FGFR2: variants seen among roughly 807,000 people sequenced by gnomAD.
The protein encoded by FGFR2 is fibroblast growth factor receptor 2.
In FGFR2, 19 loss-of-function variants were observed where a neutral mutation model predicts 95.9. That is an observed-to-expected ratio of 0.20 (90% CI 0.14 to 0.29). The LOEUF is 0.29. FGFR2 is among the 10% of genes least tolerant of loss of function. FGFR2 has a pLI of 1.00. For synonymous variants in FGFR2, 392 were observed against 393.3 expected, an observed-to-expected ratio of 1.00 and a Z score of 0.04; for missense variants, 707 against 1,056.9, an observed-to-expected ratio of 0.67 and a Z score of 4.59.
Position 121,485,346 on chromosome 10 carries a change from G to T in FGFR2, c.2195+49C>A. 1.2e-6 allele frequency: 2 copies of T among 1,612,992 alleles called. No individual in the cohort carries two copies. Among genetic ancestry groups the T allele is most frequent in the Non-Finnish European group, 1.7e-6 (2 of 1,179,402 alleles). On this transcript the variant is annotated intron_variant, in intron 16 of 17. Coordinates refer to ENST00000358487, the MANE Select transcript of FGFR2 (RefSeq NM_000141.5). This position sits in a 1 kb window ranked among gnomAD's most constrained non-coding sequence, Gnocchi z 4.2. ...GAGATACATCAGGAGAGGTATTACT[G>T]GTGTGGCAAGTCCACTGGGGCACCG...
At chr10:121,576,279 G>C (rs1859744001) in intron 2 of FGFR2, among the ~76,000 whole-genome samples, 1 of 152,228 alleles carries the variant, frequency 6.6e-6, no homozygotes, top group South Asian at 2.1e-4. Flanking sequence ...CCAGGAAATA[G>C]ATACTTACGT....
chr10:121,505,011 C>T (rs1848095942), intron 9 of FGFR2, among the ~76,000 whole-genome samples: 1 of 152,234 alleles, frequency 6.6e-6, no homozygotes, highest in Admixed American at 6.5e-5. Flanking sequence ...AACTAGCCCA[C>T]CCTGGGCTCT....
chr10:121,570,736 T>C (rs781658691), intron 2 of FGFR2, among the ~76,000 whole-genome samples: 1 of 152,186 alleles, frequency 6.6e-6, no homozygotes, highest in Non-Finnish European at 1.5e-5. Flanking sequence ...TTTTTCACAA[T>C]ATGAATTAAA....
intron 4 of FGFR2, among the ~76,000 whole-genome samples, chr10:121,556,736 C>T (rs1030991110): frequency 2.0e-5 from 3 of 152,122 alleles, no homozygotes; most frequent in African/African-American, 7.2e-5. Context: ...CCAATGACTG[C>T]CAACTGTATT....
At chr10:121,561,357 G>A (rs1856930989) in intron 4 of FGFR2, among the ~76,000 whole-genome samples, 1 of 151,708 alleles carries the variant, frequency 6.6e-6, no homozygotes, top group Admixed American at 6.6e-5. Context: ...CCGGGAGGCA[G>A]GGGCTGCGGT....
chr10:121,551,174 C>A (rs948262464), intron 5 of FGFR2, 116 bp downstream of exon 5: 1 of 1,195,792 alleles, frequency 8.4e-7, no homozygotes, highest in African/African-American at 1.5e-5. Flanking sequence ...GAACCGAGAT[C>A]GCACCACGGC....
intron 13 of FGFR2, among the ~76,000 whole-genome samples, chr10:121,490,121 C>A (rs1288796600): frequency 6.8e-6 from 1 of 146,120 alleles, no homozygotes; most frequent in Non-Finnish European, 1.5e-5. Flanking sequence ...ACTCTTGGGT[C>A]TCAGAAAGAT....
intron 2 of FGFR2, among the ~76,000 whole-genome samples, chr10:121,591,020 C>G (rs555870781): frequency 6.6e-6 from 1 of 152,196 alleles, no homozygotes; most frequent in African/African-American, 2.4e-5. Flanking sequence ...CACTCTCTCT[C>G]TCTCTCTCTC....
At chr10:121,502,110 G>C (rs558037242) in intron 10 of FGFR2, among the ~76,000 whole-genome samples, 4 of 152,288 alleles carry the variant, frequency 2.6e-5, no homozygotes, top group African/African-American at 7.2e-5. Flanking sequence ...TGTTGACTGT[G>C]GTGTCACAGG....
chr10:121,551,260 A>G, intron 5 of FGFR2, 30 bp downstream of exon 5: 2 of 1,611,654 alleles, frequency 1.2e-6, no homozygotes, highest in African/African-American at 2.7e-5. Flanking sequence ...AAAATGTAAG[A>G]AATGTGATGT....
chr10:121,563,073 C>G (rs1857199857), intron 4 of FGFR2, among the ~76,000 whole-genome samples: 1 of 152,132 alleles, frequency 6.6e-6, no homozygotes, highest in Non-Finnish European at 1.5e-5. Context: ...AACCCTGTCT[C>G]TACTAAAAAT....
chr10:121,590,971 G>A (rs1220042426), intron 2 of FGFR2, among the ~76,000 whole-genome samples: 2 of 151,736 alleles, frequency 1.3e-5, no homozygotes, highest in East Asian at 3.9e-4. Context: ...AGGCACGCAC[G>A]CACGCACGCG....
chr10:121,528,267 G>A (rs1444150460), intron 6 of FGFR2, among the ~76,000 whole-genome samples: 1 of 152,154 alleles, frequency 6.6e-6, no homozygotes, highest in South Asian at 2.1e-4. Flanking sequence ...TCACACAGAT[G>A]CCCACTAAAT....
intron 2 of FGFR2, among the ~76,000 whole-genome samples, chr10:121,572,935 GA>G (rs1327554373): frequency 6.6e-6 from 1 of 152,208 alleles, no homozygotes; most frequent in Non-Finnish European, 1.5e-5. Context: ...CCAGGAGGGG[GA>G]AATCTTGTAA....
chr10:121,488,256 T>C, intron 13 of FGFR2, 143 bp from the exon 14 acceptor site: 1 of 1,185,026 alleles, frequency 8.4e-7, no homozygotes, highest in South Asian at 1.3e-5. Flanking sequence ...AGAAATACAG[T>C]GTGGCCGGGT....
intron 5 of FGFR2, among the ~76,000 whole-genome samples, chr10:121,544,541 AC>A (rs1197686853): frequency 6.6e-6 from 1 of 152,124 alleles, no homozygotes; most frequent in Non-Finnish European, 1.5e-5. Context: ...ATATGGATGG[AC>A]TTTTGTTAAG....
At chr10:121,595,691 C>T (rs985607289) in intron 1 of FGFR2, among the ~76,000 whole-genome samples, 2 of 152,226 alleles carry the variant, frequency 1.3e-5, no homozygotes, top group African/African-American at 2.4e-5. Flanking sequence ...AATTTTCTAC[C>T]TCTAACACGA....
intron 12 of FGFR2, 135 bp from the exon 13 acceptor site, chr10:121,496,857 G>A (rs1466009550): frequency 1.0e-5 from 8 of 769,746 alleles, no homozygotes; most frequent in African/African-American, 3.5e-5. Flanking sequence ...GCGGCTGGGC[G>A]TGGTGCCTCA....
At chr10:121,520,995 TTAAAC>T (rs1850465106) in intron 6 of FGFR2, among the ~76,000 whole-genome samples, 1 of 152,204 alleles carries the variant, frequency 6.6e-6, no homozygotes, top group African/African-American at 2.4e-5. Context: ...GTTTTAAAAA[TTAAAC>T]TAAAGCCTAA....
Sources: allele counts gnomAD v4.1 joint callset (sites outside exome capture counted in the v4.1 genomes callset), GRCh38; gene constraint gnomAD v4.1.1; non-coding constraint Gnocchi (gnomAD v3.1); transcripts MANE v1.5; gene names NCBI Gene and HGNC (gene_info 2026-07-23, HGNC 2026-07-21).